The following NAV3 variants were observed in gnomAD, a reference collection of about 807,000 sequenced individuals.
NAV3 encodes pore membrane and/or filament interacting like protein 1.
In NAV3, 87 loss-of-function variants were observed where a neutral mutation model predicts 244.7. The ratio of observed to expected loss-of-function variants is 0.36; its 90% CI spans 0.30 to 0.42. The LOEUF is 0.42. Among genes scored for constraint, NAV3 ranks in the 20% least tolerant of loss-of-function variants. The probability of loss-of-function intolerance (pLI) is 1.00; values close to 1 mark genes in which losing one functional copy is unlikely to be tolerated. For missense variants in NAV3, 2,663 were observed against 2,893.3 expected (o/e 0.92, Z 1.83); for synonymous variants, 1,126 against 1,042.2 (o/e 1.08, Z -1.55).
rs929524109 is a variant in NAV3, at chr12:78,006,590, A to C, written c.1052A>C (p.Lys351Thr). 1 of 1,614,086 alleles carries C rather than the reference A, an allele frequency of 6.2e-7. No homozygotes were observed. The highest frequency in any genetic ancestry group is 8.5e-7 in the Non-Finnish European group (1 of 1,180,022). ...HSATSTMLTV[K>T]QSSTATSPTP... is the part of the protein sequence containing the mutation. ...GCCACCTCCACCATGTTGACTGTAA[A>C]GCAGTCAAGTACAGCCACCTCCCCC... The change falls in exon 8 of 40, where the codon AAG (lysine) becomes ACG (threonine). Residue 351 changes from lysine (K) to threonine (T), a missense_variant. Lys to Thr is a moderately conservative substitution (Grantham distance 78). Around this residue, in one of 6 missense-constraint regions of NAV3, gnomAD observed 1,521 missense variants for 1,497.0 expected, o/e 1.02. Transcript: ENST00000397909.
chr12:77,585,786 G>T (rs75090916), intron 2 of NAV3, among the ~76,000 whole-genome samples: 223 of 152,188 alleles, frequency 1.5e-3, no homozygotes, highest in African/African-American at 5.2e-3. Flanking sequence ...CCAGCCTGGG[G>T]GTTGGGCACC....
At chr12:78,073,859 C>T (rs1007091979) in intron 12 of NAV3, among the ~76,000 whole-genome samples, 10 of 152,082 alleles carry the variant, frequency 6.6e-5, no homozygotes, top group African/African-American at 2.4e-4. Context: ...ATCAATGGAA[C>T]AGAACAGAGC....
intron 2 of NAV3, among the ~76,000 whole-genome samples, chr12:77,701,318 T>C (rs1251823499): frequency 6.6e-6 from 1 of 152,002 alleles, no homozygotes; most frequent in East Asian, 1.9e-4. Context: ...ATCAAAGTTG[T>C]CAAATTTATT....
At chr12:77,960,651 T>G (rs1891819942) in intron 3 of NAV3, among the ~76,000 whole-genome samples, 2 of 148,018 alleles carry the variant, frequency 1.4e-5, no homozygotes, top group South Asian at 4.2e-4. Context: ...TTTATACATA[T>G]TAGCATTACA....
At chr12:78,106,052 G>A (rs1467024784) in intron 12 of NAV3, among the ~76,000 whole-genome samples, 1 of 151,450 alleles carries the variant, frequency 6.6e-6, no homozygotes, top group African/African-American at 2.4e-5. Context: ...ATATCTGTTA[G>A]CTATGAATAA....
At chr12:78,143,300 G>A in intron 20 of NAV3, 1 of 452,008 alleles carries the variant, frequency 2.2e-6, no homozygotes, top group Non-Finnish European at 4.4e-6. Flanking sequence ...ATCTGCAGAG[G>A]TGTTACCTTT....
At chr12:78,029,215 G>A (rs1268553464) in intron 9 of NAV3, among the ~76,000 whole-genome samples, 5 of 151,324 alleles carry the variant, frequency 3.3e-5, no homozygotes, top group East Asian at 1.9e-4. Flanking sequence ...GAGTCCATAA[G>A]TAGGCTAGAA....
intron 2 of NAV3, among the ~76,000 whole-genome samples, chr12:77,768,654 C>T (rs1189543692): frequency 1.3e-5 from 2 of 152,190 alleles, no homozygotes; most frequent in South Asian, 2.1e-4. Context: ...CACTTCTGAA[C>T]CTGTGGGGGC....
chr12:77,866,579 A>C (rs1880067264), intron 1 of NAV3, among the ~76,000 whole-genome samples: 1 of 152,236 alleles, frequency 6.6e-6, no homozygotes, highest in Non-Finnish European at 1.5e-5. Flanking sequence ...TTATAGTTTA[A>C]TTACAATCAC....
chr12:78,057,317 A>G (rs1435272675), intron 11 of NAV3, among the ~76,000 whole-genome samples: 6 of 152,218 alleles, frequency 3.9e-5, no homozygotes, highest in Non-Finnish European at 7.3e-5. Context: ...TCTGTGGAGT[A>G]AAAATTAAAA....
At chr12:77,907,226 C>G (rs565311353) in intron 1 of NAV3, among the ~76,000 whole-genome samples, 1 of 152,094 alleles carries the variant, frequency 6.6e-6, no homozygotes, top group Non-Finnish European at 1.5e-5. Flanking sequence ...GAAGGAAGAG[C>G]GTGTACAAGG....
At chr12:77,659,812 G>T (rs1873342098) in intron 2 of NAV3, among the ~76,000 whole-genome samples, 1 of 152,128 alleles carries the variant, frequency 6.6e-6, no homozygotes, top group Non-Finnish European at 1.5e-5. Context: ...CCTTTGTAGG[G>T]ACATGGATGA....
chr12:77,795,822 GAAC>G (rs1236665404), intron 2 of NAV3, among the ~76,000 whole-genome samples: 3 of 152,112 alleles, frequency 2.0e-5, no homozygotes, highest in Non-Finnish European at 2.9e-5. Context: ...TCTATAAATA[GAAC>G]AACAAAGCCT....
At chr12:77,625,669 C>T (rs2136893402) in intron 2 of NAV3, among the ~76,000 whole-genome samples, 1 of 152,274 alleles carries the variant, frequency 6.6e-6, no homozygotes, top group South Asian at 2.1e-4. Flanking sequence ...TACTGAGAAA[C>T]AAACAGACAC....
intron 2 of NAV3, among the ~76,000 whole-genome samples, chr12:77,743,590 G>T (rs1396638047): frequency 1.3e-5 from 2 of 151,696 alleles, no homozygotes; most frequent in Non-Finnish European, 3.0e-5. Context: ...AACAATTTGT[G>T]ATGTATTCAT....
chr12:78,129,793 T>C (rs1168161699), intron 18 of NAV3, among the ~76,000 whole-genome samples: 2 of 152,074 alleles, frequency 1.3e-5, no homozygotes, highest in African/African-American at 2.4e-5. Flanking sequence ...GAAAAACACA[T>C]CTCTGAATTT....
At chr12:77,775,846 TA>T (rs1390697583) in intron 2 of NAV3, 1 of 152,260 alleles carries the variant, frequency 6.6e-6, no homozygotes, top group Non-Finnish European at 1.5e-5. Context: ...GTGATAAAGG[TA>T]AATTTACATC....
chr12:78,076,666 C>T (rs1953066285), intron 12 of NAV3, among the ~76,000 whole-genome samples: 1 of 152,034 alleles, frequency 6.6e-6, no homozygotes, highest in South Asian at 2.1e-4. Flanking sequence ...GAATGAATGA[C>T]ATGCTTTCTT....
chr12:77,737,132 TAAA>T (rs63574061), intron 2 of NAV3, among the ~76,000 whole-genome samples: 3 of 148,000 alleles, frequency 2.0e-5, no homozygotes, highest in African/African-American at 7.5e-5. Flanking sequence ...GGGAAACATT[TAAA>T]AAAAAAATCT....
Sources: gnomAD v4.1 joint callset for allele counts (sites outside exome capture counted in the v4.1 genomes callset) on GRCh38, gnomAD v4.1.1 for gene constraint, gnomAD v4.1.1 regional missense constraint, MANE v1.5 for transcripts, NCBI Gene and HGNC (gene_info 2026-07-23, HGNC 2026-07-21) for gene names.